Variants in NECTIN1 observed in about 807,000 individuals in gnomAD.
The protein encoded by NECTIN1 is nectin cell adhesion molecule 1.
A neutral mutation model predicts 48.0 loss-of-function variants in NECTIN1; 23 were observed. That is an observed-to-expected ratio of 0.48 (90% CI 0.34 to 0.68). NECTIN1 has a LOEUF of 0.68. Among genes scored for constraint, NECTIN1 ranks in the 30% least tolerant of loss-of-function variants. The probability of loss-of-function intolerance (pLI) is 0.01; values close to 1 mark genes in which losing one functional copy is unlikely to be tolerated. For missense variants in NECTIN1, 591 were observed against 709.9 expected, an observed-to-expected ratio of 0.83 and a Z score of 1.90; for synonymous variants, 270 against 288.9, an observed-to-expected ratio of 0.93 and a Z score of 0.66.
chr11:119,728,442 G>T, intron 1 of NECTIN1, 33 bp downstream of exon 1: 1 of 1,559,322 alleles, frequency 6.4e-7, no homozygotes, highest in Non-Finnish European at 8.7e-7. Context: ...GGCATTGGAT[G>T]GGGGTGGGGA....
chr11:119,646,286 A>G (rs891007491), intron 5 of NECTIN1, among the ~76,000 whole-genome samples: 1 of 152,116 alleles, frequency 6.6e-6, no homozygotes, highest in Non-Finnish European at 1.5e-5. Flanking sequence ...CCCTTGCCCG[A>G]CTTCCAGTCC....
chr11:119,716,767 A>G (rs913038707), intron 1 of NECTIN1, among the ~76,000 whole-genome samples: 2 of 152,094 alleles, frequency 1.3e-5, no homozygotes, highest in Non-Finnish European at 2.9e-5. Context: ...TGTGCCCCCA[A>G]CCCCAGGAGG....
At chr11:119,654,826 C>A (rs889720427) in intron 5 of NECTIN1, among the ~76,000 whole-genome samples, 6 of 152,098 alleles carry the variant, frequency 3.9e-5, no homozygotes, top group Non-Finnish European at 7.4e-5. Flanking sequence ...ACCTTGGCCT[C>A]CGAAAGTGCT....
At chr11:119,691,855 C>T (rs1320719661) in intron 1 of NECTIN1, among the ~76,000 whole-genome samples, 1 of 152,174 alleles carries the variant, frequency 6.6e-6, no homozygotes, top group African/African-American at 2.4e-5. Flanking sequence ...TCCCAGCTCC[C>T]GGCTGTCATC....
chr11:119,681,837 T>TGGGGC (rs1457320258), intron 1 of NECTIN1, among the ~76,000 whole-genome samples: 1 of 151,876 alleles, frequency 6.6e-6, no homozygotes, highest in Non-Finnish European at 1.5e-5. Context: ...ATGGGCAGGG[T>TGGGGC]GGGGCAGGGC....
At chr11:119,651,829 C>G (rs1222241992) in intron 5 of NECTIN1, among the ~76,000 whole-genome samples, 1 of 152,168 alleles carries the variant, frequency 6.6e-6, no homozygotes, top group African/African-American at 2.4e-5. Context: ...GACCTGCTAC[C>G]TGGCCCTGCT....
intron 5 of NECTIN1, among the ~76,000 whole-genome samples, chr11:119,652,147 CCTT>C (rs1220093001): frequency 1.2e-4 from 18 of 152,326 alleles, no homozygotes; most frequent in African/African-American, 3.8e-4. Flanking sequence ...TGTCCCCTGT[CCTT>C]CTTGTCATTA....
At chr11:119,700,244 C>T (rs550344525) in intron 1 of NECTIN1, among the ~76,000 whole-genome samples, 3 of 152,318 alleles carry the variant, frequency 2.0e-5, no homozygotes, top group South Asian at 4.1e-4. Flanking sequence ...CATTGGCATA[C>T]ACCCCACCTC....
intron 5 of NECTIN1, among the ~76,000 whole-genome samples, chr11:119,643,732 C>A (rs2135525442): frequency 6.6e-6 from 1 of 152,362 alleles, no homozygotes; most frequent in Non-Finnish European, 1.5e-5. Context: ...AAATTGGTTC[C>A]CCCGCTCCCA....
At chr11:119,714,676 T>C (rs184983525) in intron 1 of NECTIN1, among the ~76,000 whole-genome samples, 55 of 151,478 alleles carry the variant, frequency 3.6e-4, no homozygotes, top group Non-Finnish European at 7.2e-4. Flanking sequence ...ATCGCCAACT[T>C]AATTCCTTAA....
chr11:119,706,202 T>C (rs916130758), intron 1 of NECTIN1, among the ~76,000 whole-genome samples: 2 of 152,158 alleles, frequency 1.3e-5, no homozygotes, highest in Non-Finnish European at 2.9e-5. Flanking sequence ...AAATAACTTC[T>C]CACTCAAAGG....
At chr11:119,645,302 G>A (rs933757437) in intron 5 of NECTIN1, among the ~76,000 whole-genome samples, 1 of 152,310 alleles carries the variant, frequency 6.6e-6, no homozygotes. Flanking sequence ...AAGGGCTGGA[G>A]GCAAGTCTTC....
At chr11:119,694,925 C>T (rs1050751723) in intron 1 of NECTIN1, among the ~76,000 whole-genome samples, 4 of 152,260 alleles carry the variant, frequency 2.6e-5, no homozygotes, top group Admixed American at 2.0e-4. Context: ...AATATAGCCC[C>T]TTGACTCTCC....
intron 1 of NECTIN1, among the ~76,000 whole-genome samples, chr11:119,686,721 T>C (rs1245848296): frequency 1.3e-5 from 2 of 152,220 alleles, no homozygotes; most frequent in African/African-American, 2.4e-5. Flanking sequence ...GCAAGTCCTT[T>C]TCATTCTTCC....
chr11:119,701,138 C>T (rs1043819212), intron 1 of NECTIN1, among the ~76,000 whole-genome samples: 1 of 152,150 alleles, frequency 6.6e-6, no homozygotes, highest in African/African-American at 2.4e-5. Flanking sequence ...GGCCTTGTAA[C>T]GTATGTAACT....
chr11:119,657,951 G>A (rs1224639660), downstream of NECTIN1, among the ~76,000 whole-genome samples: 4 of 143,980 alleles, frequency 2.8e-5, no homozygotes, highest in East Asian at 6.0e-4. Flanking sequence ...AGTCTGTCTA[G>A]GCCCCAATCC....
chr11:119,646,506 C>T (rs1457938622), intron 5 of NECTIN1, among the ~76,000 whole-genome samples: 4 of 152,152 alleles, frequency 2.6e-5, no homozygotes, highest in South Asian at 2.1e-4. Flanking sequence ...AAGTTAAACC[C>T]GTGGTCACAT....
Position 119,664,728 on chromosome 11 carries a change from AG to A in NECTIN1, c.*18del, listed in dbSNP as rs776040516. ...GGGCTGGGGAGGAGCGGTCACAGAC[AG>A]AGGCTCTGGAAGGGGGGCTACACGT... On this transcript the variant is annotated 3_prime_UTR_variant, in exon 6 of 6. Coordinates refer to ENST00000264025, the MANE Select transcript of NECTIN1 (RefSeq NM_002855.5). 4.6e-5 allele frequency: 73 copies of A among 1,595,712 alleles called. No individual in the cohort carries two copies. Among genetic ancestry groups the A allele is most frequent in the Non-Finnish European group, 6.0e-5 (70 of 1,169,842 alleles).
rs750779180 is a variant in NECTIN1 at position 119,664,708 on chromosome 11, G to A, written c.*39C>T. 92 of 1,548,692 alleles carry A rather than the reference G, an allele frequency of 5.9e-5. No homozygotes were observed. The highest frequency in any genetic ancestry group is 7.1e-5 in the Non-Finnish European group (81 of 1,143,572). ...GGCAGGGGGCGTGCGGGGAGGGGCTGGGGAGGAGCGGTCACAGACAGAGGC... is the reference window on the plus strand; with the variant it reads ...GGCAGGGGGCGTGCGGGGAGGGGCTAGGGAGGAGCGGTCACAGACAGAGGC... On this transcript the variant is annotated 3_prime_UTR_variant, in exon 6 of 6. Transcript: ENST00000264025.
Sources: gnomAD v4.1 joint callset for allele counts (sites outside exome capture counted in the v4.1 genomes callset) on GRCh38, gnomAD v4.1.1 for gene constraint, MANE v1.5 for transcripts, NCBI Gene and HGNC (gene_info 2026-07-23, HGNC 2026-07-21) for gene names.